The following DOK6 variants were observed in gnomAD, a reference collection of about 807,000 sequenced individuals.
DOK6 encodes the protein docking protein 6.
DOK6 carries 22 observed loss-of-function variants against 44.0 expected under a neutral mutation model. The observed-to-expected ratio is 0.50, with a 90% CI of 0.36 to 0.71. The LOEUF (loss-of-function observed/expected upper bound fraction) is 0.71, where lower values mean the gene tolerates loss of function less well. DOK6 is among the 30% of genes least tolerant of loss of function. DOK6 has a pLI of 0.00. For synonymous variants in DOK6, 166 were observed against 145.5 expected (o/e 1.14, Z -1.01); for missense variants, 340 against 416.4 (o/e 0.82, Z 1.60).
intron 7 of DOK6, among the ~76,000 whole-genome samples, chr18:69,788,911 C>T (rs1980511733): frequency 6.6e-6 from 1 of 152,124 alleles, no homozygotes; most frequent in African/African-American, 2.4e-5. Context: ...AACCAAAGAA[C>T]AGAAATAATG....
At chr18:69,526,621 C>A (rs1324234907) in intron 1 of DOK6, among the ~76,000 whole-genome samples, 4 of 152,066 alleles carry the variant, frequency 2.6e-5, no homozygotes, top group Non-Finnish European at 5.9e-5. Context: ...AGTAAAATTT[C>A]TGGGTCATAC....
chr18:69,551,921 T>A (rs1250521376), intron 1 of DOK6, among the ~76,000 whole-genome samples: 1 of 152,208 alleles, frequency 6.6e-6, no homozygotes, highest in Admixed American at 6.5e-5. Flanking sequence ...GAAATCTCCA[T>A]AAATAATAAA....
At chr18:69,527,653 A>G (rs1375022591) in intron 1 of DOK6, among the ~76,000 whole-genome samples, 1 of 152,138 alleles carries the variant, frequency 6.6e-6, no homozygotes, top group Non-Finnish European at 1.5e-5. Context: ...TCTGCATTCC[A>G]TCTTAAATAT....
At chr18:69,544,902 G>T (rs912090799) in intron 1 of DOK6, among the ~76,000 whole-genome samples, 1 of 151,210 alleles carries the variant, frequency 6.6e-6, no homozygotes, top group Non-Finnish European at 1.5e-5. Flanking sequence ...AGGCTGAGGC[G>T]GGCGGATCAC....
intron 4 of DOK6, among the ~76,000 whole-genome samples, chr18:69,694,086 A>C (rs1986338616): frequency 6.9e-6 from 1 of 144,162 alleles, no homozygotes; most frequent in Non-Finnish European, 1.5e-5. Flanking sequence ...AAAAAAAAAA[A>C]AAAATTGATC....
chr18:69,620,575 A>G (rs1289825379), intron 3 of DOK6, among the ~76,000 whole-genome samples: 2 of 152,012 alleles, frequency 1.3e-5, no homozygotes, highest in Non-Finnish European at 2.9e-5. Flanking sequence ...CCCTCTCTAC[A>G]CCTCTGATTC....
At chr18:69,593,400 A>AG (rs1269345965) in intron 2 of DOK6, among the ~76,000 whole-genome samples, 1 of 151,906 alleles carries the variant, frequency 6.6e-6, no homozygotes, top group Non-Finnish European at 1.5e-5. Context: ...AGAAAGAAAA[A>AG]AGTAGAATTT....
intron 1 of DOK6, among the ~76,000 whole-genome samples, chr18:69,443,857 T>G (rs996843805): frequency 6.6e-6 from 1 of 152,112 alleles, no homozygotes; most frequent in Non-Finnish European, 1.5e-5. Flanking sequence ...GTCATCATAG[T>G]CCTCACGTTC....
chr18:69,410,671 G>GATAC (rs1350826196), intron 1 of DOK6, among the ~76,000 whole-genome samples: 1 of 152,186 alleles, frequency 6.6e-6, no homozygotes, highest in Admixed American at 6.5e-5. Context: ...AGGCTCTCTT[G>GATAC]ATACATGACT....
chr18:69,739,112 C>G lies in DOK6; in HGVS notation c.738+9C>G. 1 of 1,613,462 alleles carries G rather than the reference C, an allele frequency of 6.2e-7. No homozygotes were observed. The highest frequency in any genetic ancestry group is 8.5e-7 in the Non-Finnish European group (1 of 1,179,634). On this transcript the variant is annotated intron_variant, in intron 6 of 7. Transcript: ENST00000382713. ...TGGAACAGAAGGCCCGGGTAAGGCC[C>G]CTTCCTTGGTAACCTATCAGCTTGG...
intron 1 of DOK6, among the ~76,000 whole-genome samples, chr18:69,533,724 TA>T (rs766899999): frequency 6.6e-4 from 101 of 152,162 alleles, no homozygotes; most frequent in Non-Finnish European, 1.2e-3. Flanking sequence ...TTTCCTTTTT[TA>T]TTATTTCCTC....
intron 3 of DOK6, among the ~76,000 whole-genome samples, chr18:69,618,355 T>C (rs1984361785): frequency 6.6e-6 from 1 of 152,168 alleles, no homozygotes; most frequent in Non-Finnish European, 1.5e-5. Flanking sequence ...GCAAGGTGTG[T>C]ATGAAGGCAA....
chr18:69,520,040 G>C (rs1981642982), intron 1 of DOK6, among the ~76,000 whole-genome samples: 1 of 151,524 alleles, frequency 6.6e-6, no homozygotes, highest in South Asian at 2.1e-4. Context: ...ATAATAGTAA[G>C]AAAAATAAAA....
At chr18:69,523,643 C>T (rs1479140995) in intron 1 of DOK6, among the ~76,000 whole-genome samples, 1 of 148,278 alleles carries the variant, frequency 6.7e-6, no homozygotes, top group East Asian at 2.0e-4. Flanking sequence ...GAATTGATCT[C>T]CCACCAAAGA....
At chr18:69,786,256 A>G (rs1454089956) in intron 7 of DOK6, among the ~76,000 whole-genome samples, 1 of 152,194 alleles carries the variant, frequency 6.6e-6, no homozygotes, top group Non-Finnish European at 1.5e-5. Flanking sequence ...CATGATAATA[A>G]TCTAGCAAAA....
At chr18:69,514,846 T>A (rs1293828011) in intron 1 of DOK6, among the ~76,000 whole-genome samples, 1 of 124,936 alleles carries the variant, frequency 8.0e-6, no homozygotes, top group Non-Finnish European at 1.9e-5. Flanking sequence ...TATATTTTTT[T>A]TTTTTGAAGA....
At chr18:69,698,037 G>A (rs184158023) in intron 4 of DOK6, among the ~76,000 whole-genome samples, 3 of 152,300 alleles carry the variant, frequency 2.0e-5, no homozygotes, top group African/African-American at 2.4e-5. Flanking sequence ...CGCTGGAATC[G>A]TATCTGTGAT....
intron 3 of DOK6, among the ~76,000 whole-genome samples, chr18:69,625,153 C>T (rs1171439373): frequency 6.6e-6 from 1 of 152,054 alleles, no homozygotes; most frequent in Non-Finnish European, 1.5e-5. Context: ...ATTTAAAAGG[C>T]TAGAAAGCAA....
At chr18:69,518,144 AT>A (rs1981584170) in intron 1 of DOK6, among the ~76,000 whole-genome samples, 1 of 152,166 alleles carries the variant, frequency 6.6e-6, no homozygotes, top group African/African-American at 2.4e-5. Context: ...GAACTCCTTA[AT>A]TTTGGGAAAG....
Sources: allele counts gnomAD v4.1 joint callset (sites outside exome capture counted in the v4.1 genomes callset), GRCh38; gene constraint gnomAD v4.1.1; transcripts MANE v1.5; gene names NCBI Gene and HGNC (gene_info 2026-07-23, HGNC 2026-07-21).